Variants in DLL4 observed in about 807,000 individuals in gnomAD.
DLL4 encodes delta-like protein 4.
In DLL4, 7 loss-of-function variants were observed where a neutral mutation model predicts 73.6. The ratio of observed to expected loss-of-function variants is 0.10; its 90% CI spans 0.05 to 0.18. DLL4 has a LOEUF of 0.18. Ranked by LOEUF, DLL4 falls within the 10% of genes least tolerant of loss-of-function variation. The probability of loss-of-function intolerance (pLI) is 1.00; values close to 1 mark genes in which losing one functional copy is unlikely to be tolerated. For synonymous variants in DLL4, 345 were observed against 374.3 expected, an observed-to-expected ratio of 0.92 and a Z score of 0.90; for missense variants, 614 against 929.9, an observed-to-expected ratio of 0.66 and a Z score of 4.42.
At chr15:40,933,406 T>C (rs1892798531) in intron 6 of DLL4, among the ~76,000 whole-genome samples, 1 of 152,092 alleles carries the variant, frequency 6.6e-6, no homozygotes, top group Non-Finnish European at 1.5e-5. Context: ...CATATACTCA[T>C]CATATGCAAA....
chr15:40,930,087 C>G lies in DLL4; in HGVS notation c.307C>G (p.Leu103Val), dbSNP rs774586523. ...DDSSGGGRNP[L>V]QLPFNFTWPG... is the part of the protein sequence containing the mutation. ...CAGTAGCGGCGGGGGGCGCAACCCT[C>G]TCCAACTGCCCTTCAATTTCACCTG... is the stretch of plus-strand genomic sequence containing the variant. Residue 103 changes from leucine to valine, a missense_variant, in exon 2 of 11, where the codon CTC becomes GTC. This residue lies in a region of DLL4 where 227 missense variants were observed against 370.8 expected (regional missense o/e 0.61). Transcript: ENST00000249749. This position sits in a 1 kb window ranked among gnomAD's most constrained non-coding sequence, Gnocchi z 5.7. 1.2e-6 allele frequency: 2 copies of G among 1,606,634 alleles called. No homozygotes were observed. Among genetic ancestry groups the G allele is most frequent in the South Asian group, 2.2e-5 (2 of 89,952 alleles).
chr15:40,930,097 C>T lies in DLL4; in HGVS notation c.317C>T (p.Pro106Leu), dbSNP rs1265851508. Residue 106 changes from proline to leucine, a missense_variant, in exon 2 of 11, where the codon CCC becomes CTC. By Grantham distance (98) the Pro-to-Leu change is moderately conservative. Transcript: ENST00000249749. The surrounding 1 kb of genome is among the most constrained non-coding windows in gnomAD (Gnocchi z 5.7). ...SGGGRNPLQL[P>L]FNFTWPGTFS... is the part of the protein sequence containing the mutation. Reference sequence around the variant, plus strand: ...GGGGGGCGCAACCCTCTCCAACTGCCCTTCAATTTCACCTGGCCGGTGAGC... The same window carrying T: ...GGGGGGCGCAACCCTCTCCAACTGCTCTTCAATTTCACCTGGCCGGTGAGC... 1.2e-6 allele frequency: 2 copies of T among 1,607,112 alleles called. No homozygotes were observed. Among genetic ancestry groups the T allele is most frequent in the Non-Finnish European group, 1.7e-6 (2 of 1,177,782 alleles).
Position 40,930,193 on chromosome 15 carries a change from A to G in DLL4, c.336+77A>G. On this transcript the variant is annotated intron_variant, in intron 2 of 10. Transcript: ENST00000249749. The surrounding 1 kb of genome is among the most constrained non-coding windows in gnomAD (Gnocchi z 5.7). ...GCCCTGGGACCAAAGCCCCCTCCCCAGATTTCCTTGTACACACACCCCCAC... is the reference window on the plus strand; with the variant it reads ...GCCCTGGGACCAAAGCCCCCTCCCCGGATTTCCTTGTACACACACCCCCAC... 2 of 1,520,544 alleles carry G rather than the reference A, an allele frequency of 1.3e-6. No homozygotes were observed. The highest frequency in any genetic ancestry group is 1.8e-6 in the Non-Finnish European group (2 of 1,129,528). The allele number at this position is 1,520,544 out of a possible 1,614,324, so 94.2% of individuals were successfully genotyped here. A position where few individuals can be genotyped will look rare whatever the true frequency, so the allele number is the denominator to read the frequency against.
chr15:40,930,841 C>T lies in DLL4; in HGVS notation c.394+159C>T, dbSNP rs1821931031. Reference sequence around the variant, plus strand: ...GCGCTGGACGCTCGGATTCCGCTCGCTGCCTGGACTCAGAGCACAATTGCG... The same window carrying T: ...GCGCTGGACGCTCGGATTCCGCTCGTTGCCTGGACTCAGAGCACAATTGCG... On this transcript the variant is annotated intron_variant, in intron 3 of 10. Transcript: ENST00000249749. The surrounding 1 kb of genome is among the most constrained non-coding windows in gnomAD (Gnocchi z 5.7). 1 of 711,680 alleles carries T rather than the reference C, an allele frequency of 1.4e-6. No homozygotes were observed. Among genetic ancestry groups the T allele is most frequent in the Non-Finnish European group, 2.3e-6 (1 of 425,822 alleles). The allele number at this position is 711,680 out of a possible 1,614,324, so 44.1% of individuals were successfully genotyped here. A position where few individuals can be genotyped will look rare whatever the true frequency, so the allele number is the denominator to read the frequency against.
rs1051911288 is a variant in DLL4, at chr15:40,934,777, C to T, written c.1020+60C>T. The T allele has an allele frequency of 1.9e-6, 3 of 1,593,116 alleles. No homozygotes were observed. The African/African-American group carries it at 4.0e-5, about 21-fold the overall frequency. ...TCAGGTGGTGTCTGGGCATCCCTAA[C>T]CTAGGCAGTTAGTGGATGTACAGCC... On this transcript the variant is annotated intron_variant, in intron 7 of 10. Coordinates refer to ENST00000249749, the MANE Select transcript of DLL4 (RefSeq NM_019074.4).
At chr15:40,934,262 G>A (rs914505463) in intron 6 of DLL4, among the ~76,000 whole-genome samples, 1 of 150,308 alleles carries the variant, frequency 6.7e-6, no homozygotes, top group African/African-American at 2.5e-5. Flanking sequence ...GAAGGCGAAG[G>A]TTGTAGTGAG....
At position 40,938,164 on chromosome 15, in the gene DLL4, C is replaced by A; in HGVS notation, c.*130C>A. ...TGCTCTCAGGAGGAGGAGGGAATGG[C>A]AGGAACCGGACAGACTGTGAACTTG... On this transcript the variant is annotated 3_prime_UTR_variant, in exon 11 of 11. Coordinates refer to ENST00000249749, the MANE Select transcript of DLL4 (RefSeq NM_019074.4). 1 of 1,066,186 alleles carries A rather than the reference C, an allele frequency of 9.4e-7. No homozygotes were observed. The allele number at this position is 1,066,186 out of a possible 1,614,324, so 66.0% of individuals were successfully genotyped here. A position where few individuals can be genotyped will look rare whatever the true frequency, so the allele number is the denominator to read the frequency against.
Position 40,932,454 on chromosome 15 carries a change from CAGGGTGAAGAG to C in DLL4, c.850+14_850+24del. 1 of 1,613,776 alleles carries C rather than the reference CAGGGTGAAGAG, an allele frequency of 6.2e-7. No individual in the cohort carries two copies. Among genetic ancestry groups the C allele is most frequent in the Non-Finnish European group, 8.5e-7 (1 of 1,179,856 alleles). On this transcript the variant is annotated splice_region_variant and intron_variant, in intron 6 of 10. Transcript: ENST00000249749. Reference sequence around the variant, plus strand: ...GGCCTGTTTTGTGACCAAGGTGAGTCAGGGTGAAGAGAGGGTGCAGAGGGTGCAAGAGATAT... The same window carrying C: ...GGCCTGTTTTGTGACCAAGGTGAGTCAGGGTGCAGAGGGTGCAAGAGATAT...
rs1042434971 is a variant in DLL4 at position 40,938,303 on chromosome 15, C to T, written c.*269C>T. 13 of 363,702 alleles carry T rather than the reference C, an allele frequency of 3.6e-5. No homozygotes were observed. The highest frequency in any genetic ancestry group is 2.5e-4 in the African/African-American group (12 of 47,686). 22.5% of individuals were successfully genotyped at this position (363,702 alleles called of 1,614,324 possible). A position where few individuals can be genotyped will look rare whatever the true frequency, so the allele number is the denominator to read the frequency against. ...GAGATGCCACTGGGCACTGCCCTGC[C>T]AGTAGTGGCCTTCAGGGGGCTCCTT... On this transcript the variant is annotated 3_prime_UTR_variant, in exon 11 of 11. Coordinates refer to ENST00000249749, the MANE Select transcript of DLL4 (RefSeq NM_019074.4).
At chr15:40,933,381 C>G (rs1020022785) in intron 6 of DLL4, among the ~76,000 whole-genome samples, 1 of 152,090 alleles carries the variant, frequency 6.6e-6, no homozygotes. Flanking sequence ...CATATTTGCT[C>G]CCAGGTGACA....
Position 40,930,495 on chromosome 15 carries a change from C to A in DLL4, c.337-130C>A, listed in dbSNP as rs1316419842. The A allele has an allele frequency of 2.5e-6, 2 of 789,524 alleles. No individual in the cohort carries two copies. Among genetic ancestry groups the A allele is most frequent in the East Asian group, 5.3e-5 (2 of 37,624 alleles). The allele number at this position is 789,524 out of a possible 1,614,324, so 48.9% of individuals were successfully genotyped here. A position where few individuals can be genotyped will look rare whatever the true frequency, so the allele number is the denominator to read the frequency against. ...TCAAGCGCTACACTGTGCACAGCCC[C>A]GTTATGTTGACCCGGGCGCAGTAAC... On this transcript the variant is annotated intron_variant, in intron 2 of 10. Coordinates refer to ENST00000249749, the MANE Select transcript of DLL4 (RefSeq NM_019074.4). This position sits in a 1 kb window ranked among gnomAD's most constrained non-coding sequence, Gnocchi z 5.7.
At position 40,932,551 on chromosome 15, in the gene DLL4, C is replaced by G. The variant is rs1027566834; in HGVS notation, c.850+104C>G. 5 of 1,435,280 alleles carry G rather than the reference C, an allele frequency of 3.5e-6. No homozygotes were observed. The African/African-American group carries it at 5.7e-5, about 16-fold the overall frequency. The allele number at this position is 1,435,280 out of a possible 1,614,324, so 88.9% of individuals were successfully genotyped here. ...ATCCTTCTTACTTGGTGACTGCAGACTTGGCTTTCCCATGATCTTCCAAGG... is the reference window on the plus strand; with the variant it reads ...ATCCTTCTTACTTGGTGACTGCAGAGTTGGCTTTCCCATGATCTTCCAAGG... On this transcript the variant is annotated intron_variant, in intron 6 of 10. Transcript: ENST00000249749.
Position 40,932,322 on chromosome 15 carries a change from G to T in DLL4, c.725G>T (p.Arg242Leu), listed in dbSNP as rs911600322. ...YCSKPAECLC[R>L]PGWQGRLCNE... is the part of the protein sequence containing the mutation. ...GCCTCTCTCTTGTTCCCCAGCTGCC[G>T]CCCAGGCTGGCAGGGCCGGCTGTGT... Residue 242 changes from arginine (R) to leucine (L), a missense_variant, in exon 6 of 11, where the codon CGC becomes CTC. Physicochemically the swap from Arg to Leu is moderately radical, Grantham distance 102. This residue lies in a region of DLL4 where 227 missense variants were observed against 370.8 expected (regional missense o/e 0.61). Coordinates refer to ENST00000249749, the MANE Select transcript of DLL4 (RefSeq NM_019074.4). The T allele has an allele frequency of 6.2e-7, 1 of 1,613,874 alleles. No homozygotes were observed. Among genetic ancestry groups the T allele is most frequent in the African/African-American group, 1.3e-5 (1 of 74,936 alleles).
rs1892738404 is a variant in DLL4, at chr15:40,929,892, A to T, written c.112A>T (p.Ile38Phe). The T allele has an allele frequency of 6.2e-7, 1 of 1,612,872 alleles. No homozygotes were observed. Among genetic ancestry groups the T allele is most frequent in the South Asian group, 1.1e-5 (1 of 91,074 alleles). The change falls in exon 2 of 11, where the codon ATC becomes TTC. Residue 38 changes from isoleucine (I) to phenylalanine (F), a missense_variant. By Grantham distance (21) the Ile-to-Phe change is conservative (BLOSUM62 0). Coordinates refer to ENST00000249749, the MANE Select transcript of DLL4 (RefSeq NM_019074.4). The surrounding 1 kb of genome is among the most constrained non-coding windows in gnomAD (Gnocchi z 7.1). ...GVFQLQLQEF[I>F]NERGVLASGR... ...CTTCCAGCTGCAGCTGCAGGAGTTC[A>T]TCAACGAGCGCGGCGTACTGGCCAG...
chr15:40,937,669 GGCCTCATT>G (rs1892864451), intron 10 of DLL4, 143 bp downstream of exon 10: 1 of 713,072 alleles, frequency 1.4e-6, no homozygotes, highest in Non-Finnish European at 2.5e-6. Context: ...GGTCCCTGCT[GGCCTCATT>G]GCCACTAAGG....
rs1050980031 is a variant in DLL4 at position 40,936,115 on chromosome 15, G to A, written c.1241-113G>A. On this transcript the variant is annotated intron_variant, in intron 8 of 10. Coordinates refer to ENST00000249749, the MANE Select transcript of DLL4 (RefSeq NM_019074.4). ...CTCTGTGCAGTTCTCTTTGTAGTGG[G>A]CTCTGCAGGTGGAGGTAGAAGGGCC... 10 of 849,902 alleles carry A rather than the reference G, an allele frequency of 1.2e-5. No homozygotes were observed. In the African/African-American group the frequency reaches 1.4e-4, roughly 12 times the overall value. 52.6% of individuals were successfully genotyped at this position (849,902 alleles called of 1,614,324 possible). A position where few individuals can be genotyped will look rare whatever the true frequency, so the allele number is the denominator to read the frequency against.
In DLL4 at chr15:40,929,700, G is replaced by C; in HGVS notation, c.32G>C (p.Trp11Ser). 1 of 1,585,352 alleles carries C rather than the reference G, an allele frequency of 6.3e-7. No homozygotes were observed. The highest frequency in any genetic ancestry group is 8.5e-7 in the Non-Finnish European group (1 of 1,173,172). MAAASRSASGWALLLLVALWQ... is the reference protein window; with the variant it reads MAAASRSASGSALLLLVALWQ... ...GCAGCGTCCCGGAGCGCCTCTGGCT[G>C]GGCGCTACTGCTGCTGGTGGCACTT... The change falls in exon 1 of 11, where the codon TGG (tryptophan) becomes TCG (serine). Residue 11 changes from tryptophan (W) to serine (S), a missense_variant. Trp to Ser is a radical substitution (Grantham distance 177, BLOSUM62 -3). Coordinates refer to ENST00000249749, the MANE Select transcript of DLL4 (RefSeq NM_019074.4). This position sits in a 1 kb window ranked among gnomAD's most constrained non-coding sequence, Gnocchi z 7.1.
chr15:40,932,164 C>T lies in DLL4; in HGVS notation c.659-7C>T. The T allele has an allele frequency of 1.2e-6, 2 of 1,614,024 alleles. No individual in the cohort carries two copies. The highest frequency in any genetic ancestry group is 3.3e-4 in the Middle Eastern group (2 of 6,062). ...CAGCCTCACCCAGCTCTGTGTTCTT[C>T]CCTTAGCTATCTGTCTTTCGGGCTG... On this transcript the variant is annotated splice_polypyrimidine_tract_variant and splice_region_variant and intron_variant, in intron 4 of 10. Coordinates refer to ENST00000249749, the MANE Select transcript of DLL4 (RefSeq NM_019074.4).
Position 40,930,093 on chromosome 15 carries a change from C to T in DLL4, c.313C>T (p.Leu105=). The change falls in exon 2 of 11, where the codon CTG becomes TTG. Residue 105 remains leucine (L), a synonymous_variant. Transcript: ENST00000249749. This position sits in a 1 kb window ranked among gnomAD's most constrained non-coding sequence, Gnocchi z 5.7. ...SSGGGRNPLQ[L]PFNFTWPGTF... ...CGGCGGGGGGCGCAACCCTCTCCAA[C>T]TGCCCTTCAATTTCACCTGGCCGGT... The T allele has an allele frequency of 6.2e-7, 1 of 1,607,252 alleles. No homozygotes were observed. Among genetic ancestry groups the T allele is most frequent in the South Asian group, 1.1e-5 (1 of 90,024 alleles).
Sources: gnomAD v4.1 joint callset for allele counts (sites outside exome capture counted in the v4.1 genomes callset) on GRCh38, gnomAD v4.1.1 for gene constraint, gnomAD v4.1.1 regional missense constraint, Gnocchi (gnomAD v3.1) non-coding constraint, MANE v1.5 for transcripts, NCBI Gene and HGNC (gene_info 2026-07-23, HGNC 2026-07-21) for gene names.